Variants in CEP85 observed in about 807,000 individuals in gnomAD.
CEP85 encodes centrosomal protein 85.
Under a neutral mutation model 93.7 loss-of-function variants are expected in CEP85, and 58 were observed. The ratio of observed to expected loss-of-function variants is 0.62; its 90% CI spans 0.50 to 0.77. The LOEUF is 0.77. Among genes scored for constraint, CEP85 ranks in the 30% least tolerant of loss-of-function variants. The probability of loss-of-function intolerance (pLI) is 0.00; values close to 1 mark genes in which losing one functional copy is unlikely to be tolerated. For synonymous variants in CEP85, 314 were observed against 338.6 expected (o/e 0.93, Z 0.80); for missense variants, 868 against 922.0 (o/e 0.94, Z 0.76).
At chr1:26,250,925 C>CCTTTTTTTTT (rs2089598435) in intron 3 of CEP85, among the ~76,000 whole-genome samples, 6 of 55,128 alleles carry the variant, frequency 1.1e-4, no homozygotes, top group African/African-American at 2.9e-4. Flanking sequence ...TTTTTTTTTT[C>CCTTTTTTTTT]TTTTTTCTTT....
rs1190631512 is a variant in CEP85 at position 26,259,814 on chromosome 1, A to T, written c.1341+12A>T. 19 of 1,601,266 alleles carry T rather than the reference A, an allele frequency of 1.2e-5. No homozygotes were observed. Among genetic ancestry groups the T allele is most frequent in the Non-Finnish European group, 1.6e-5 (19 of 1,173,536 alleles). On this transcript the variant is annotated intron_variant, in intron 7 of 13. Transcript: ENST00000451429. ...AACAGGAAGAAAGGGTGAGCTGAGT[A>T]GCTGATAGCCCTAGTTCACAAAGGA...
At chr1:26,248,461 G>T (rs1409453465) in intron 3 of CEP85, among the ~76,000 whole-genome samples, 1 of 152,000 alleles carries the variant, frequency 6.6e-6, no homozygotes, top group African/African-American at 2.4e-5. Flanking sequence ...GTCTTCTCGA[G>T]ATAGGGGTCA....
Position 26,259,814 on chromosome 1 carries a change from A to G in CEP85, c.1341+12A>G. On this transcript the variant is annotated intron_variant, in intron 7 of 13. Transcript: ENST00000451429. ...AACAGGAAGAAAGGGTGAGCTGAGT[A>G]GCTGATAGCCCTAGTTCACAAAGGA... 6.2e-7 allele frequency: 1 copy of G among 1,601,384 alleles called. No individual in the cohort carries two copies. The highest frequency in any genetic ancestry group is 8.5e-7 in the Non-Finnish European group (1 of 1,173,528).
chr1:26,235,243 G>A (rs773266463), intron 1 of CEP85, among the ~76,000 whole-genome samples: 42 of 152,178 alleles, frequency 2.8e-4, no homozygotes, highest in Non-Finnish European at 5.4e-4. Flanking sequence ...TTGAACACTG[G>A]GATAAGTAGG....
At chr1:26,274,942 A>C (rs1331939210) in intron 11 of CEP85, 22 bp from the exon 12 acceptor site, 6 of 1,547,362 alleles carry the variant, frequency 3.9e-6, no homozygotes, top group Non-Finnish European at 2.6e-6. Flanking sequence ...GTGTTCCCTC[A>C]ACATCTTGCT....
chr1:26,268,678 GC>G (rs761056355), intron 8 of CEP85, 43 bp downstream of exon 8: 1 of 1,544,068 alleles, frequency 6.5e-7, no homozygotes, highest in Admixed American at 2.1e-5. Flanking sequence ...TCAGGGAGTG[GC>G]CAGGCAGGGG....
In CEP85 at chr1:26,266,208, TA is replaced by T. The variant is rs1018564690; in HGVS notation, c.1342-2263del. Among the ~76,000 whole-genome samples, 701 of 146,520 alleles carry T rather than the reference TA, an allele frequency of 4.8e-3. 3 individuals are homozygous for T. The highest frequency in any genetic ancestry group is 0.014 in the African/African-American group (557 of 40,102). ...TGGGCAACAAGAATGAAACTCCATC[TA>T]AAAAAAAAAAATTGTTTTTTCTTTA... On this transcript the variant is annotated intron_variant, in intron 7 of 13. Transcript: ENST00000451429.
intron 7 of CEP85, among the ~76,000 whole-genome samples, chr1:26,266,070 G>T (rs1490458365): frequency 6.6e-6 from 1 of 151,970 alleles, no homozygotes; most frequent in South Asian, 2.1e-4. Flanking sequence ...TTAGCTGGGC[G>T]TGGTGGTGGA....
At chr1:26,237,539 T>C (rs2089345037) in intron 1 of CEP85, among the ~76,000 whole-genome samples, 1 of 152,260 alleles carries the variant, frequency 6.6e-6, no homozygotes, top group Non-Finnish European at 1.5e-5. Flanking sequence ...CTTTTATTGC[T>C]GAATAATACT....
chr1:26,240,607 G>A (rs1170826753), intron 2 of CEP85, among the ~76,000 whole-genome samples: 2 of 152,082 alleles, frequency 1.3e-5, no homozygotes, highest in African/African-American at 4.8e-5. Flanking sequence ...TAGAAACCAC[G>A]GATATGGCCA....
chr1:26,267,571 G>C (rs764936543), intron 7 of CEP85, among the ~76,000 whole-genome samples: 4 of 152,100 alleles, frequency 2.6e-5, no homozygotes, highest in African/African-American at 7.2e-5. Context: ...TCAAAAAAAG[G>C]GGGGTGGGAT....
chr1:26,261,404 G>A (rs2089805387), intron 7 of CEP85, among the ~76,000 whole-genome samples: 1 of 151,874 alleles, frequency 6.6e-6, no homozygotes, highest in Non-Finnish European at 1.5e-5. Context: ...CCCAGGAGGC[G>A]GAAGTTGCAA....
chr1:26,235,409 G>C (rs1382368014), intron 1 of CEP85, among the ~76,000 whole-genome samples: 2 of 152,118 alleles, frequency 1.3e-5, no homozygotes, highest in Non-Finnish European at 1.5e-5. Context: ...TCTTTCACAA[G>C]GTTTAATGAA....
At chr1:26,261,637 A>G (rs545507481) in intron 7 of CEP85, among the ~76,000 whole-genome samples, 6 of 152,012 alleles carry the variant, frequency 3.9e-5, no homozygotes, top group East Asian at 1.9e-4. Context: ...GCTCATACCT[A>G]TAATTCCAGC....
chr1:26,247,735 G>A (rs948586540), intron 3 of CEP85, among the ~76,000 whole-genome samples: 3 of 152,250 alleles, frequency 2.0e-5, no homozygotes, highest in Middle Eastern at 6.8e-3. Flanking sequence ...TTGAACTCCT[G>A]GGCTCAACCT....
chr1:26,259,763 G>A lies in CEP85; in HGVS notation c.1302G>A (p.Leu434=). The part of the protein sequence containing the change: ...QLIRESLKVA[L]QKHSEEVKKQ... ...TCAGAGAGTCGCTCAAAGTGGCGTT[G>A]CAGAAGCATTCTGAGGAAGTGAAGA... The change falls in exon 7 of 14, where the codon TTG becomes TTA. Residue 434 remains leucine, a synonymous_variant. Coordinates refer to ENST00000451429, the MANE Select transcript of CEP85 (RefSeq NM_001319944.2). The A allele has an allele frequency of 1.2e-6, 2 of 1,613,516 alleles. No individual in the cohort carries two copies. Among genetic ancestry groups the A allele is most frequent in the Non-Finnish European group, 1.7e-6 (2 of 1,179,748 alleles).
chr1:26,242,140 C>A (rs1248260764), intron 2 of CEP85, among the ~76,000 whole-genome samples: 1 of 151,978 alleles, frequency 6.6e-6, no homozygotes, highest in Non-Finnish European at 1.5e-5. Context: ...TAACAAATAA[C>A]TCTTTGGAAT....
At chr1:26,261,254 C>T (rs2089803042) in intron 7 of CEP85, among the ~76,000 whole-genome samples, 1 of 151,826 alleles carries the variant, frequency 6.6e-6, no homozygotes, top group African/African-American at 2.4e-5. Context: ...GGGCAGATCA[C>T]CTGAGGTCAG....
At chr1:26,261,883 T>G (rs887711933) in intron 7 of CEP85, among the ~76,000 whole-genome samples, 1 of 152,094 alleles carries the variant, frequency 6.6e-6, no homozygotes, top group African/African-American at 2.4e-5. Flanking sequence ...AAGTTTTGCT[T>G]TTACTGGCCA....
Sources: gnomAD v4.1 joint callset for allele counts (sites outside exome capture counted in the v4.1 genomes callset) on GRCh38, gnomAD v4.1.1 for gene constraint, MANE v1.5 for transcripts, NCBI Gene and HGNC (gene_info 2026-07-23, HGNC 2026-07-21) for gene names.